The following CNTNAP2 variants were observed in gnomAD, a reference collection of about 807,000 sequenced individuals.
CNTNAP2 encodes contactin associated protein 2, also known as contactin-associated protein-like 2.
Under a neutral mutation model 155.2 loss-of-function variants are expected in CNTNAP2, and 98 were observed. The ratio of observed to expected loss-of-function variants is 0.63; its 90% CI spans 0.54 to 0.75. The LOEUF is 0.75. CNTNAP2 is among the 30% of genes least tolerant of loss of function. The pLI, the probability that CNTNAP2 is intolerant of heterozygous loss-of-function variation, is 0.00. For synonymous variants in CNTNAP2, 651 were observed against 631.2 expected (o/e 1.03, Z -0.47); for missense variants, 1,727 against 1,688.1 (o/e 1.02, Z -0.40).
At chr7:148,233,907 G>C (rs1411723532) in intron 20 of CNTNAP2, among the ~76,000 whole-genome samples, 1 of 152,162 alleles carries the variant, frequency 6.6e-6, no homozygotes, top group Non-Finnish European at 1.5e-5. Flanking sequence ...CATGAGGTCT[G>C]GTTGTTTAAA....
chr7:148,110,440 C>T (rs1000878401), intron 15 of CNTNAP2, among the ~76,000 whole-genome samples: 1 of 152,048 alleles, frequency 6.6e-6, no homozygotes, highest in Non-Finnish European at 1.5e-5. Flanking sequence ...TCCCACCCCC[C>T]ACCACCTCAT....
chr7:147,841,239 G>A (rs1004501573), intron 13 of CNTNAP2, among the ~76,000 whole-genome samples: 5 of 152,116 alleles, frequency 3.3e-5, no homozygotes, highest in African/African-American at 1.2e-4. Flanking sequence ...AATGATAACA[G>A]AAAAAGTTGT....
intron 18 of CNTNAP2, among the ~76,000 whole-genome samples, chr7:148,177,897 T>TG (rs1411808773): frequency 5.6e-4 from 85 of 150,760 alleles, no homozygotes; most frequent in Non-Finnish European, 9.3e-4. Flanking sequence ...CAGACACTGT[T>TG]TTTTTTTTTT....
chr7:146,667,586 A>G (rs1800219833), intron 1 of CNTNAP2, among the ~76,000 whole-genome samples: 1 of 151,888 alleles, frequency 6.6e-6, no homozygotes, highest in Non-Finnish European at 1.5e-5. Flanking sequence ...TAACAATGTT[A>G]ATTCTTCTGA....
intron 1 of CNTNAP2, among the ~76,000 whole-genome samples, chr7:146,229,201 TA>T (rs1238146239): frequency 1.3e-5 from 2 of 152,076 alleles, no homozygotes; most frequent in Non-Finnish European, 2.9e-5. Context: ...CCCTTATAAA[TA>T]AAAAGTTGGG....
intron 1 of CNTNAP2, among the ~76,000 whole-genome samples, chr7:146,145,164 T>C (rs994405366): frequency 1.3e-5 from 2 of 152,188 alleles, no homozygotes; most frequent in African/African-American, 4.8e-5. Context: ...TTTTTCGTGA[T>C]TGAAAGAAAG....
intron 21 of CNTNAP2, among the ~76,000 whole-genome samples, chr7:148,331,856 C>G (rs1006169552): frequency 1.4e-5 from 2 of 142,370 alleles, no homozygotes; most frequent in Non-Finnish European, 3.1e-5. Flanking sequence ...CCAACAACTA[C>G]TACACACTGC....
At chr7:147,311,506 G>C (rs1795125143) in intron 9 of CNTNAP2, among the ~76,000 whole-genome samples, 1 of 152,124 alleles carries the variant, frequency 6.6e-6, no homozygotes, top group Admixed American at 6.5e-5. Context: ...GGCAGTCCAG[G>C]CAGCGTGGCC....
At chr7:146,460,648 A>G (rs1796622970) in intron 1 of CNTNAP2, among the ~76,000 whole-genome samples, 1 of 152,222 alleles carries the variant, frequency 6.6e-6, no homozygotes, top group Non-Finnish European at 1.5e-5. Context: ...AACCTTTAAA[A>G]AGAAGGAAAT....
chr7:146,618,401 C>T (rs146415860), intron 1 of CNTNAP2, among the ~76,000 whole-genome samples: 4 of 152,180 alleles, frequency 2.6e-5, no homozygotes, highest in Non-Finnish European at 4.4e-5. Flanking sequence ...ATGAAATTAG[C>T]GATTACAATA....
intron 21 of CNTNAP2, among the ~76,000 whole-genome samples, chr7:148,290,839 C>T (rs1482704332): frequency 1.3e-5 from 2 of 152,210 alleles, no homozygotes; most frequent in Non-Finnish European, 2.9e-5. Context: ...GCATGGGGCA[C>T]ATTCCTGTCC....
At chr7:148,166,870 C>T (rs1485210274) in intron 17 of CNTNAP2, among the ~76,000 whole-genome samples, 2 of 152,108 alleles carry the variant, frequency 1.3e-5, no homozygotes, top group East Asian at 1.9e-4. Context: ...TTCTACAGAG[C>T]GCAGAAGTGG....
intron 8 of CNTNAP2, among the ~76,000 whole-genome samples, chr7:147,258,867 G>T (rs986411455): frequency 3.9e-4 from 60 of 152,246 alleles, no homozygotes; most frequent in African/African-American, 1.3e-3. Context: ...CAACACCAAT[G>T]CATGTTCCCA....
chr7:147,995,056 T>C (rs1379409981), intron 15 of CNTNAP2, among the ~76,000 whole-genome samples: 1 of 152,154 alleles, frequency 6.6e-6, no homozygotes, highest in Non-Finnish European at 1.5e-5. Context: ...CAGAACACAC[T>C]TAATTCCCCC....
chr7:147,177,625 C>T (rs1394507249), intron 8 of CNTNAP2, among the ~76,000 whole-genome samples: 1 of 152,086 alleles, frequency 6.6e-6, no homozygotes, highest in Non-Finnish European at 1.5e-5. Flanking sequence ...GATAATATTC[C>T]TTTCTCTTCA....
At chr7:147,379,961 C>T (rs979116461) in intron 9 of CNTNAP2, among the ~76,000 whole-genome samples, 4 of 152,000 alleles carry the variant, frequency 2.6e-5, no homozygotes, top group African/African-American at 4.8e-5. Flanking sequence ...TTACTGGATG[C>T]TCAGATATAT....
intron 1 of CNTNAP2, among the ~76,000 whole-genome samples, chr7:146,454,961 G>A (rs12535000): frequency 0.58 from 88,761 of 151,974 alleles, 28,933 homozygotes; most frequent in South Asian, 0.82. Flanking sequence ...GTCCGTATAT[G>A]GCTACGCAGT....
chr7:148,253,050 AC>A (rs1400912949), intron 20 of CNTNAP2, among the ~76,000 whole-genome samples: 115 of 64,448 alleles, frequency 1.8e-3, no homozygotes, highest in African/African-American at 4.9e-3. Flanking sequence ...AGATAGATAG[AC>A]AGATGATAGA....
chr7:146,299,241 A>G (rs1800564616), intron 1 of CNTNAP2, among the ~76,000 whole-genome samples: 1 of 152,176 alleles, frequency 6.6e-6, no homozygotes, highest in African/African-American at 2.4e-5. Flanking sequence ...ACTGCACTCC[A>G]GCCTGGGCAA....
Sources: gnomAD v4.1 joint callset for allele counts (sites outside exome capture counted in the v4.1 genomes callset) on GRCh38, gnomAD v4.1.1 for gene constraint, MANE v1.5 for transcripts, NCBI Gene and HGNC (gene_info 2026-07-23, HGNC 2026-07-21) for gene names.